The following DNAH3 variants were observed in gnomAD, a reference collection of about 807,000 sequenced individuals.
DNAH3 encodes axonemal beta dynein heavy chain 3.
In DNAH3, 332 loss-of-function variants were observed where a neutral mutation model predicts 432.5. That is an observed-to-expected ratio of 0.77 (90% CI 0.70 to 0.84). DNAH3 has a LOEUF of 0.84. Ranked by LOEUF, DNAH3 falls within the 40% of genes least tolerant of loss-of-function variation. The pLI, the probability that DNAH3 is intolerant of heterozygous loss-of-function variation, is 0.00. For missense variants in DNAH3, 4,861 were observed against 5,114.0 expected, an observed-to-expected ratio of 0.95 and a Z score of 1.51; for synonymous variants, 1,956 against 1,900.2, an observed-to-expected ratio of 1.03 and a Z score of -0.76.
At chr16:20,933,528 G>A in intron 61 of DNAH3, 21 bp from the exon 62 acceptor site, 3 of 1,537,750 alleles carry the variant, frequency 2.0e-6, no homozygotes, top group Non-Finnish European at 2.6e-6. Context: ...AAAAAGCTAT[G>A]AGCTCCATTG....
chr16:20,990,155 G>T (rs2086483826), intron 44 of DNAH3, among the ~76,000 whole-genome samples: 1 of 152,226 alleles, frequency 6.6e-6, no homozygotes, highest in Admixed American at 6.5e-5. Flanking sequence ...CAGAGGAGGC[G>T]CCCAGAGCGA....
chr16:20,977,524 GGA>G (rs1327714696), intron 50 of DNAH3, among the ~76,000 whole-genome samples: 1 of 152,174 alleles, frequency 6.6e-6, no homozygotes, highest in Non-Finnish European at 1.5e-5. Flanking sequence ...TCATGTATTT[GGA>G]GACAGTTTTC....
intron 28 of DNAH3, among the ~76,000 whole-genome samples, chr16:21,053,148 G>T (rs2090015365): frequency 6.6e-6 from 1 of 152,090 alleles, no homozygotes; most frequent in Non-Finnish European, 1.5e-5. Context: ...TTTTCAAAGG[G>T]TTGCTTCCAT....
chr16:21,063,353 TC>T (rs2090431300), intron 24 of DNAH3, among the ~76,000 whole-genome samples: 1 of 152,058 alleles, frequency 6.6e-6, no homozygotes, highest in Non-Finnish European at 1.5e-5. Context: ...GAGAGAGACT[TC>T]CTTGTCTTTC....
At chr16:21,023,178 T>C (rs191430441) in intron 39 of DNAH3, among the ~76,000 whole-genome samples, 4 of 152,118 alleles carry the variant, frequency 2.6e-5, no homozygotes, top group Admixed American at 2.6e-4. Flanking sequence ...GATGCATTTA[T>C]ATGTATATAT....
At chr16:21,087,647 G>A (rs1472458772) in intron 18 of DNAH3, among the ~76,000 whole-genome samples, 1 of 152,158 alleles carries the variant, frequency 6.6e-6, no homozygotes, top group African/African-American at 2.4e-5. Flanking sequence ...GGTGAATGGA[G>A]ATATGAGAGG....
At chr16:20,941,005 T>G (rs1210735542) in intron 59 of DNAH3, among the ~76,000 whole-genome samples, 1 of 151,930 alleles carries the variant, frequency 6.6e-6, no homozygotes, top group Admixed American at 6.6e-5. Flanking sequence ...GAGGCTGAGG[T>G]GGGAGGACTG....
chr16:20,980,321 T>C (rs982949645), intron 49 of DNAH3, among the ~76,000 whole-genome samples: 3 of 100,892 alleles, frequency 3.0e-5, no homozygotes, highest in African/African-American at 9.4e-5. Flanking sequence ...TATATTATAA[T>C]ATATACTATA....
At chr16:20,951,738 ATTTTTTTTTTT>A (rs869256566) in intron 56 of DNAH3, among the ~76,000 whole-genome samples, 3 of 73,462 alleles carry the variant, frequency 4.1e-5, no homozygotes, top group African/African-American at 5.5e-5. Context: ...CCTGGCCCGT[ATTTTTTTTTTT>A]TTTTTTTTTT....
At chr16:21,153,443 G>A (rs965269701) in intron 1 of DNAH3, among the ~76,000 whole-genome samples, 4 of 151,894 alleles carry the variant, frequency 2.6e-5, no homozygotes, top group African/African-American at 9.7e-5. Flanking sequence ...GATTGTAAAC[G>A]CACCAATCAG....
At position 21,023,786 on chromosome 16, in the gene DNAH3, G is replaced by GTGTGTGTGTGTGT. The variant is rs1567654144; in HGVS notation, c.5646+809_5646+810insACACACACACACA. Among the ~76,000 whole-genome samples the GTGTGTGTGTGTGT allele has an allele frequency of 5.6e-3, 826 of 146,470 alleles. 10 individuals are homozygous for GTGTGTGTGTGTGT. Among genetic ancestry groups the GTGTGTGTGTGTGT allele is most frequent in the African/African-American group, 0.02 (779 of 39,664 alleles). ...TATATGGGGACTTGGCAGCTTTTGG[G>GTGTGTGTGTGTGT]GTGTGTGTGTGTGTGTGTGTGTGTG... On this transcript the variant is annotated intron_variant, in intron 39 of 61. Coordinates refer to ENST00000261383, the Ensembl canonical transcript of DNAH3.
intron 32 of DNAH3, among the ~76,000 whole-genome samples, chr16:21,041,107 A>C (rs2089422157): frequency 6.6e-6 from 1 of 152,170 alleles, no homozygotes; most frequent in South Asian, 2.1e-4. Flanking sequence ...CTGGTGGCTC[A>C]CACCTGTAAT....
intron 3 of DNAH3, among the ~76,000 whole-genome samples, chr16:21,144,795 G>C (rs2092760936): frequency 6.6e-6 from 1 of 152,062 alleles, no homozygotes; most frequent in African/African-American, 2.4e-5. Flanking sequence ...TCAGCAAAAG[G>C]GGAGCCAGGA....
intron 44 of DNAH3, among the ~76,000 whole-genome samples, chr16:20,993,666 A>G (rs1015680972): frequency 2.0e-5 from 3 of 152,118 alleles, no homozygotes; most frequent in Admixed American, 2.0e-4. Flanking sequence ...ATTTTTGTCT[A>G]GCTGCCCAAA....
At chr16:21,027,740 C>T (rs1367198202) in intron 37 of DNAH3, among the ~76,000 whole-genome samples, 5 of 152,182 alleles carry the variant, frequency 3.3e-5, no homozygotes, top group African/African-American at 7.2e-5. Flanking sequence ...GTTGAGTGAG[C>T]TGCAATTTTA....
chr16:20,953,163 G>GTT (rs71149202), intron 55 of DNAH3, among the ~76,000 whole-genome samples: 24 of 143,772 alleles, frequency 1.7e-4, no homozygotes, highest in African/African-American at 2.0e-4. Flanking sequence ...TTTGTTTGTT[G>GTT]TTTTTTTTTT....
intron 15 of DNAH3, among the ~76,000 whole-genome samples, chr16:21,105,390 C>G (rs539918823): frequency 3.0e-4 from 45 of 152,264 alleles, no homozygotes; most frequent in Non-Finnish European, 5.6e-4. Context: ...TTCAAGGAGC[C>G]CTGACTATTT....
chr16:21,106,436 TAA>T, intron 15 of DNAH3, 52 bp downstream of exon 15: 1 of 1,345,200 alleles, frequency 7.4e-7, no homozygotes, highest in Non-Finnish European at 9.9e-7. Flanking sequence ...TATACAAATA[TAA>T]AATATACATA....
Position 21,050,063 on chromosome 16 carries a change from C to T in DNAH3, c.4239-45G>A, listed in dbSNP as rs778158050. On this transcript the variant is annotated intron_variant, in intron 29 of 61. Coordinates refer to ENST00000261383, the Ensembl canonical transcript of DNAH3. The stretch of plus-strand genomic sequence containing the variant: ...ACTTCAGTGCTTGAGGTCTAAGACA[C>T]AGGAAAGAAACCGGCTTTTCATTTA... 4 of 1,365,142 alleles carry T rather than the reference C, an allele frequency of 2.9e-6. No homozygotes were observed. In the South Asian group the frequency reaches 3.7e-5, roughly 13 times the overall value. 84.6% of individuals were successfully genotyped at this position (1,365,142 alleles called of 1,614,324 possible). A position where few individuals can be genotyped will look rare whatever the true frequency, so the allele number is the denominator to read the frequency against.
Sources: gnomAD v4.1 joint callset for allele counts (sites outside exome capture counted in the v4.1 genomes callset) on GRCh38, gnomAD v4.1.1 for gene constraint, MANE v1.5 for transcripts, NCBI Gene and HGNC (gene_info 2026-07-23, HGNC 2026-07-21) for gene names.